Variants in ICE1 observed in about 807,000 individuals in gnomAD.
ICE1 encodes the protein interactor of little elongation complex ELL subunit 1.
In ICE1, 64 loss-of-function variants were observed where a neutral mutation model predicts 192.7. The observed-to-expected ratio is 0.33, with a 90% CI of 0.27 to 0.41. The LOEUF (loss-of-function observed/expected upper bound fraction) is 0.41, where lower values mean the gene tolerates loss of function less well. Ranked by LOEUF, ICE1 falls within the 10% of genes least tolerant of loss-of-function variation. The pLI is 1.00. For missense variants in ICE1, 2,708 were observed against 2,696.0 expected, an observed-to-expected ratio of 1.00 and a Z score of -0.10; for synonymous variants, 1,010 against 984.5, an observed-to-expected ratio of 1.03 and a Z score of -0.49.
intron 1 of ICE1, among the ~76,000 whole-genome samples, chr5:5,430,744 A>C (rs1036451164): frequency 6.6e-6 from 1 of 152,148 alleles, no homozygotes; most frequent in Non-Finnish European, 1.5e-5. Context: ...CCATTTGTTC[A>C]GTATAGTTAT....
At chr5:5,453,511 C>T (rs965872875) in intron 10 of ICE1, among the ~76,000 whole-genome samples, 6 of 152,148 alleles carry the variant, frequency 3.9e-5, no homozygotes. Context: ...TTCTCTTGAA[C>T]TGGAGTAAAG....
chr5:5,454,663 G>A (rs778030352), intron 11 of ICE1, 25 bp downstream of exon 11: 8 of 1,566,200 alleles, frequency 5.1e-6, no homozygotes, highest in Non-Finnish European at 7.0e-6. Flanking sequence ...TACAGAAACC[G>A]ATTTCATATG....
chr5:5,424,642 G>A (rs1320439065), intron 1 of ICE1, among the ~76,000 whole-genome samples: 2 of 152,186 alleles, frequency 1.3e-5, no homozygotes, highest in African/African-American at 4.8e-5. Flanking sequence ...ATTGAACAGA[G>A]ATGGGGAGGG....
rs1197079526 is a variant in ICE1, at chr5:5,468,088, C to T, written c.6062-740C>T. ...CTACTTGGCTATACAAAGGAATAGACTACCAATGCATGCAACAACACGGAT... is the reference window on the plus strand; with the variant it reads ...CTACTTGGCTATACAAAGGAATAGATTACCAATGCATGCAACAACACGGAT... On this transcript the variant is annotated intron_variant, in intron 14 of 18. Transcript: ENST00000296564. 2.0e-5 allele frequency among the ~76,000 whole-genome samples: 3 copies of T among 152,348 alleles called. No homozygotes were observed. In the East Asian group the frequency reaches 5.8e-4, roughly 29 times the overall value.
intron 5 of ICE1, among the ~76,000 whole-genome samples, chr5:5,441,587 G>A (rs1490692445): frequency 2.6e-5 from 4 of 152,178 alleles, no homozygotes; most frequent in African/African-American, 9.7e-5. Context: ...TAGAGGAATC[G>A]TTGTACATAA....
intron 17 of ICE1, among the ~76,000 whole-genome samples, chr5:5,483,227 C>A (rs1221257833): frequency 1.3e-5 from 2 of 152,116 alleles, no homozygotes; most frequent in Non-Finnish European, 2.9e-5. Flanking sequence ...AACTCCCGGC[C>A]TCAGGTGATC....
At chr5:5,432,157 T>G (rs553431794) in intron 1 of ICE1, among the ~76,000 whole-genome samples, 1 of 152,276 alleles carries the variant, frequency 6.6e-6, no homozygotes, top group Non-Finnish European at 1.5e-5. Context: ...TCCTCCACCT[T>G]CCCCAAAGAA....
chr5:5,462,278 C>T lies in ICE1; in HGVS notation c.2944C>T (p.Gln982Ter). The T allele has an allele frequency of 6.2e-7, 1 of 1,613,430 alleles. No homozygotes were observed. Among genetic ancestry groups the T allele is most frequent in the Non-Finnish European group, 8.5e-7 (1 of 1,179,626 alleles). The change falls in exon 13 of 19, where the codon CAG (glutamine) becomes TAG (stop). Residue 982 changes from glutamine (Q) to a stop codon, truncating the protein, a stop_gained. Coordinates refer to ENST00000296564, the MANE Select transcript of ICE1 (RefSeq NM_015325.3). LOFTEE classifies it high-confidence loss of function. ...VREAAVQGDGQKQRQPQATDL... is the reference protein window; with the variant it reads ...VREAAVQGDG Reference sequence around the variant, plus strand: ...AGAAGCTGCAGTGCAGGGAGATGGGCAGAAGCAAAGGCAGCCTCAGGCCAC... The same window carrying T: ...AGAAGCTGCAGTGCAGGGAGATGGGTAGAAGCAAAGGCAGCCTCAGGCCAC...
intron 5 of ICE1, among the ~76,000 whole-genome samples, chr5:5,441,995 G>GAT (rs1043738881): frequency 3.3e-5 from 5 of 152,154 alleles, no homozygotes; most frequent in African/African-American, 1.2e-4. Flanking sequence ...ATTAAGCTGA[G>GAT]ATGGAGCATT....
chr5:5,426,511 A>G (rs928667976), intron 1 of ICE1, among the ~76,000 whole-genome samples: 1 of 151,976 alleles, frequency 6.6e-6, no homozygotes, highest in African/African-American at 2.4e-5. Flanking sequence ...ATGGGGCATT[A>G]TGTTCTGTCA....
chr5:5,455,377 G>C (rs928546071), intron 11 of ICE1, among the ~76,000 whole-genome samples: 3 of 152,130 alleles, frequency 2.0e-5, no homozygotes, highest in African/African-American at 7.2e-5. Flanking sequence ...TCACCTGCCA[G>C]GTACCCATTG....
chr5:5,458,140 T>C (rs138786244), intron 12 of ICE1, among the ~76,000 whole-genome samples: 1 of 152,352 alleles, frequency 6.6e-6, no homozygotes, highest in African/African-American at 2.4e-5. Flanking sequence ...TAGCCGAGTT[T>C]TCTACCTTTA....
At chr5:5,429,897 A>C (rs1737647551) in intron 1 of ICE1, among the ~76,000 whole-genome samples, 1 of 152,214 alleles carries the variant, frequency 6.6e-6, no homozygotes, top group Admixed American at 6.5e-5. Flanking sequence ...GTCTTGAGTA[A>C]GAGAGTGGGC....
chr5:5,453,653 G>A (rs780519331), intron 10 of ICE1, among the ~76,000 whole-genome samples: 65 of 152,206 alleles, frequency 4.3e-4, no homozygotes, highest in Middle Eastern at 3.4e-3. Flanking sequence ...ATTTTAATTC[G>A]TGTGGGTTGT....
intron 10 of ICE1, among the ~76,000 whole-genome samples, chr5:5,452,233 A>G (rs1380523613): frequency 7.0e-6 from 1 of 143,418 alleles, no homozygotes; most frequent in Non-Finnish European, 1.5e-5. Flanking sequence ...GAAGAGTAGG[A>G]TCTGTGAATA....
chr5:5,460,417 G>A lies in ICE1; in HGVS notation c.1102-19G>A, dbSNP rs142110628. 2.2e-6 allele frequency: 3 copies of A among 1,377,756 alleles called. No homozygotes were observed. The African/African-American group carries it at 4.4e-5, about 20-fold the overall frequency. 85.3% of individuals were successfully genotyped at this position (1,377,756 alleles called of 1,614,324 possible). On this transcript the variant is annotated intron_variant, in intron 12 of 18. Coordinates refer to ENST00000296564, the MANE Select transcript of ICE1 (RefSeq NM_015325.3). ...TCTGTTGAATTAGTGTTTGACAAGT[G>A]TAATTCATATTTTTTAAGGAAACCT...
intron 17 of ICE1, among the ~76,000 whole-genome samples, chr5:5,477,397 A>G (rs768969000): frequency 6.6e-6 from 1 of 152,250 alleles, no homozygotes; most frequent in South Asian, 2.1e-4. Context: ...GAAGAAATGG[A>G]TAAATTCCTG....
chr5:5,486,666 G>A, intron 17 of ICE1, 55 bp from the exon 18 acceptor site: 1 of 1,237,304 alleles, frequency 8.1e-7, no homozygotes, highest in Non-Finnish European at 1.2e-6. Flanking sequence ...AAATTCTTAG[G>A]AAAAGTTAAT....
intron 1 of ICE1, among the ~76,000 whole-genome samples, chr5:5,425,447 A>C (rs1236738961): frequency 6.6e-6 from 1 of 152,218 alleles, no homozygotes; most frequent in Admixed American, 6.5e-5. Flanking sequence ...TGTTCCATTG[A>C]AACATTATAA....
Sources: gnomAD v4.1 joint callset for allele counts (sites outside exome capture counted in the v4.1 genomes callset) on GRCh38, gnomAD v4.1.1 for gene constraint, MANE v1.5 for transcripts, NCBI Gene and HGNC (gene_info 2026-07-23, HGNC 2026-07-21) for gene names.